ZNF578: variants seen among roughly 807,000 people sequenced by gnomAD.
The protein encoded by ZNF578 is zinc finger protein 578, also known as Putative chemokine-related protein B42.
In ZNF578, 8 loss-of-function variants were observed where a neutral mutation model predicts 8.3. The ratio of observed to expected loss-of-function variants is 0.96; its 90% CI spans 0.56 to 1.74. The LOEUF is 1.74. ZNF578 is among the 40% of genes most tolerant of loss of function. ZNF578 has a pLI of 0.00. For synonymous variants in ZNF578, 206 were observed against 232.2 expected, an observed-to-expected ratio of 0.89 and a Z score of 1.03; for missense variants, 726 against 707.5, an observed-to-expected ratio of 1.03 and a Z score of -0.30.
chr19:52,501,754 G>A (rs10410156), intron 3 of ZNF578, 73 bp from the exon 4 acceptor site: 323,016 of 1,498,358 alleles, frequency 0.22, 35,859 homozygotes, highest in Admixed American at 0.25. Flanking sequence ...ATGTCTCCCC[G>A]TTCCTGTGTT....
chr19:52,485,118 G>A (rs1015123376), intron 2 of ZNF578, among the ~76,000 whole-genome samples: 6 of 151,914 alleles, frequency 3.9e-5, no homozygotes, highest in African/African-American at 1.4e-4. Context: ...CTTTTGTGTA[G>A]TGATCTGGTG....
rs113738440 is a variant in ZNF578, at chr19:52,509,256, C to G, written c.191-1316C>G. On this transcript the variant is annotated intron_variant, in intron 5 of 5. Coordinates refer to ENST00000421239, the MANE Select transcript of ZNF578 (RefSeq NM_001099694.2). ...TGTGTATTTTCTTGACCTCATACATCAGAAGGTAGTGATCTTAACATGTAT... is the reference window on the plus strand; with the variant it reads ...TGTGTATTTTCTTGACCTCATACATGAGAAGGTAGTGATCTTAACATGTAT... Among the ~76,000 whole-genome samples the G allele has an allele frequency of 3.0e-3, 456 of 152,158 alleles. 2 individuals are homozygous for G. Among genetic ancestry groups the G allele is most frequent in the African/African-American group, 9.6e-3 (399 of 41,512 alleles).
At chr19:52,481,687 G>A (rs924606742) in intron 2 of ZNF578, among the ~76,000 whole-genome samples, 1 of 152,064 alleles carries the variant, frequency 6.6e-6, no homozygotes, top group Non-Finnish European at 1.5e-5. Flanking sequence ...AAATGGGGAA[G>A]TGAAGTGGGA....
chr19:52,504,282 G>T (rs1248027470), intron 4 of ZNF578, among the ~76,000 whole-genome samples: 4 of 151,906 alleles, frequency 2.6e-5, no homozygotes, highest in Non-Finnish European at 5.9e-5. Context: ...GTGGAGACAG[G>T]TTTCCACCAC....
chr19:52,498,970 A>G (rs1473088202), intron 3 of ZNF578, among the ~76,000 whole-genome samples: 1 of 152,130 alleles, frequency 6.6e-6, no homozygotes, highest in Non-Finnish European at 1.5e-5. Flanking sequence ...AGGGTGGGTC[A>G]CCATTCCTGG....
intron 3 of ZNF578, among the ~76,000 whole-genome samples, chr19:52,498,674 C>T (rs141764932): frequency 1.3e-4 from 15 of 119,382 alleles, no homozygotes; most frequent in South Asian, 8.0e-4. Flanking sequence ...TGAGCCACCT[C>T]GCCTGGCCGC....
intron 3 of ZNF578, among the ~76,000 whole-genome samples, chr19:52,497,020 C>A (rs1193666163): frequency 6.6e-6 from 1 of 152,112 alleles, no homozygotes; most frequent in Non-Finnish European, 1.5e-5. Context: ...GCCGTAGCAA[C>A]CTCCTGGGCT....
intron 3 of ZNF578, among the ~76,000 whole-genome samples, chr19:52,495,017 T>G (rs1241794760): frequency 1.5e-5 from 2 of 135,610 alleles, no homozygotes; most frequent in African/African-American, 5.0e-5. Context: ...TTTTTCTTTG[T>G]TTGTTTTTTT....
At chr19:52,472,047 G>T (rs902207914) in intron 2 of ZNF578, among the ~76,000 whole-genome samples, 1 of 152,092 alleles carries the variant, frequency 6.6e-6, no homozygotes, top group African/African-American at 2.4e-5. Flanking sequence ...AAATGAAAGT[G>T]CATGCCATGG....
rs1048636060 is a variant in ZNF578, at chr19:52,469,527, A to G, written c.-122+12569A>G. ...AGGGGCTTCTGGAGTTGGCTCTCTAATCTTATTACAACTAAAAATGCTAAG... is the reference window on the plus strand; with the variant it reads ...AGGGGCTTCTGGAGTTGGCTCTCTAGTCTTATTACAACTAAAAATGCTAAG... On this transcript the variant is annotated intron_variant, in intron 2 of 5. Coordinates refer to ENST00000421239, the MANE Select transcript of ZNF578 (RefSeq NM_001099694.2). Among the ~76,000 whole-genome samples the G allele has an allele frequency of 5.3e-5, 8 of 152,022 alleles. No homozygotes were observed. In the East Asian group the frequency reaches 1.5e-3, roughly 29 times the overall value.
At chr19:52,464,325 T>C (rs1004913982) in intron 2 of ZNF578, among the ~76,000 whole-genome samples, 1 of 152,192 alleles carries the variant, frequency 6.6e-6, no homozygotes, top group Admixed American at 6.5e-5. Context: ...CGGGTGTTAG[T>C]CCTCTTTTAC....
rs2059445327 is a variant in ZNF578, at chr19:52,511,338, ATG to A, written c.960_961del (p.Cys320TrpfsTer15). Reference sequence around the variant, plus strand: ...GTGAGAAACCTTACAAGTGTAATGAATGTGGAAAGTCCTTCAGTTACAAGTCA... The same window carrying A: ...GTGAGAAACCTTACAAGTGTAATGAATGGAAAGTCCTTCAGTTACAAGTCA... Reference protein sequence around the residue: ...TGEKPYKCNECGKSFSYKSSL... With the variant: ...TGEKPYKCNEXGKSFSYKSSL... On this transcript the variant is annotated frameshift_variant, in exon 6 of 6. Coordinates refer to ENST00000421239, the MANE Select transcript of ZNF578 (RefSeq NM_001099694.2). LOFTEE classifies it low-confidence loss of function (END_TRUNC). 6.2e-7 allele frequency: 1 copy of A among 1,613,818 alleles called. No individual in the cohort carries two copies. The highest frequency in any genetic ancestry group is 1.7e-5 in the Admixed American group (1 of 59,992).
intron 2 of ZNF578, among the ~76,000 whole-genome samples, chr19:52,483,322 G>T (rs4802957): frequency 1.3e-5 from 2 of 151,898 alleles, no homozygotes; most frequent in African/African-American, 2.4e-5. Flanking sequence ...GGCTGAGGCA[G>T]GAGAATTGCT....
Position 52,512,497 on chromosome 19 carries a change from G to A in ZNF578, c.*343G>A, listed in dbSNP as rs2059453220. Among the ~76,000 whole-genome samples the A allele has an allele frequency of 1.3e-5, 2 of 152,296 alleles. No individual in the cohort carries two copies. Among genetic ancestry groups the A allele is most frequent in the South Asian group, 4.1e-4 (2 of 4,828 alleles). Reference sequence around the variant, plus strand: ...TGCAGTTCATCAGTGAACTCATACTGGAGAGAAACCTTACAAATGTCATGA... The same window carrying A: ...TGCAGTTCATCAGTGAACTCATACTAGAGAGAAACCTTACAAATGTCATGA... On this transcript the variant is annotated 3_prime_UTR_variant, in exon 6 of 6. Coordinates refer to ENST00000421239, the MANE Select transcript of ZNF578 (RefSeq NM_001099694.2).
chr19:52,454,782 A>G (rs1167553880), intron 1 of ZNF578: 1 of 152,174 alleles, frequency 6.6e-6, no homozygotes, highest in Non-Finnish European at 1.5e-5. Context: ...GGGATCTGAC[A>G]CTATCTCCTT....
At chr19:52,471,092 A>T (rs6509644) in intron 2 of ZNF578, among the ~76,000 whole-genome samples, 2,841 of 152,192 alleles carry the variant, frequency 0.019, 84 homozygotes, top group African/African-American at 0.066. Flanking sequence ...TTCCTTCATG[A>T]TTTTAAGTTT....
chr19:52,491,924 G>C (rs2059366288), intron 3 of ZNF578, among the ~76,000 whole-genome samples: 1 of 151,856 alleles, frequency 6.6e-6, no homozygotes, highest in African/African-American at 2.4e-5. Context: ...AGTTTGGGAG[G>C]CTGAGGAGGG....
intron 1 of ZNF578, chr19:52,455,223 G>C (rs982749540): frequency 2.0e-5 from 2 of 99,382 alleles, no homozygotes; most frequent in African/African-American, 8.8e-5. Context: ...TTTTGAGATG[G>C]AGTTTTGCTC....
intron 1 of ZNF578, chr19:52,455,010 C>G (rs2059234911): frequency 6.6e-6 from 1 of 152,150 alleles, no homozygotes; most frequent in Non-Finnish European, 1.5e-5. Flanking sequence ...GTGCTTTCTA[C>G]TCAGTATTGA....
Sources: allele counts gnomAD v4.1 joint callset (sites outside exome capture counted in the v4.1 genomes callset), GRCh38; gene constraint gnomAD v4.1.1; transcripts MANE v1.5; gene names NCBI Gene and HGNC (gene_info 2026-07-23, HGNC 2026-07-21).